Variants in PRPF8 observed in about 807,000 individuals in gnomAD.
The protein encoded by PRPF8 is pre-mRNA processing factor 8.
Under a neutral mutation model 285.9 loss-of-function variants are expected in PRPF8, and 64 were observed. The ratio of observed to expected loss-of-function variants is 0.22; its 90% CI spans 0.18 to 0.28. The LOEUF is 0.28. Among genes scored for constraint, PRPF8 ranks in the 10% least tolerant of loss-of-function variants. The pLI is 1.00. For synonymous variants in PRPF8, 1,325 were observed against 1,118.2 expected (o/e 1.18, Z -3.69); for missense variants, 1,426 against 3,026.7 (o/e 0.47, Z 12.41).
Position 1,673,248 on chromosome 17 carries a change from A to G in PRPF8, c.3658-51T>C. 6.2e-7 allele frequency: 1 copy of G among 1,606,118 alleles called. No homozygotes were observed. Among genetic ancestry groups the G allele is most frequent in the Non-Finnish European group, 8.5e-7 (1 of 1,172,888 alleles). On this transcript the variant is annotated intron_variant, in intron 23 of 42. Transcript: ENST00000304992. The surrounding 1 kb of genome is among the most constrained non-coding windows in gnomAD (Gnocchi z 5.5). ...TGTCCGAGGAACTCCCACAGAAGCA[A>G]GAGCCAACTGTGCCCACCACTCAAG...
Position 1,676,118 on chromosome 17 carries a change from G to C in PRPF8, c.2553-64C>G, listed in dbSNP as rs915619968. On this transcript the variant is annotated intron_variant, in intron 17 of 42. Coordinates refer to ENST00000304992, the MANE Select transcript of PRPF8 (RefSeq NM_006445.4). The surrounding 1 kb of genome is among the most constrained non-coding windows in gnomAD (Gnocchi z 6.3). Reference sequence around the variant, plus strand: ...GAGGAAGTAAAACCAGGAAAGACTGGGGCTACACCTTCTTTCTTTGGACTC... The same window carrying C: ...GAGGAAGTAAAACCAGGAAAGACTGCGGCTACACCTTCTTTCTTTGGACTC... 9 of 1,611,634 alleles carry C rather than the reference G, an allele frequency of 5.6e-6. No individual in the cohort carries two copies. The Admixed American group carries it at 8.3e-5, about 15-fold the overall frequency.
At chr17:1,662,490 G>C (rs761661988) in intron 24 of PRPF8, among the ~76,000 whole-genome samples, 3 of 152,058 alleles carry the variant, frequency 2.0e-5, no homozygotes, top group Non-Finnish European at 2.9e-5. Context: ...TCAGAAGGCT[G>C]AGGCAAGAGA....
Position 1,650,960 on chromosome 17 carries a change from C to A in PRPF8, c.6854-4G>T. 8 of 1,614,148 alleles carry A rather than the reference C, an allele frequency of 5.0e-6. No homozygotes were observed. The highest frequency in any genetic ancestry group is 6.8e-6 in the Non-Finnish European group (8 of 1,180,038). ...ATGTTGGGGTCATGCCGAACACCTT[C>A]GGGGAGAAGGAAACAGCCAATGTTA... On this transcript the variant is annotated splice_region_variant and splice_polypyrimidine_tract_variant and intron_variant, in intron 42 of 42. Transcript: ENST00000304992.
intron 24 of PRPF8, among the ~76,000 whole-genome samples, chr17:1,662,904 C>T (rs1481465825): frequency 4.7e-5 from 7 of 149,132 alleles, no homozygotes; most frequent in Admixed American, 6.6e-5. Flanking sequence ...GTGAAGAACA[C>T]CAGAAATGGT....
At chr17:1,660,063 T>C in intron 30 of PRPF8, 62 bp from the exon 31 acceptor site, 2 of 1,558,480 alleles carry the variant, frequency 1.3e-6, no homozygotes, top group Non-Finnish European at 1.8e-6. Context: ...TCAGAGTTTG[T>C]ACAATAAGAT....
Position 1,679,613 on chromosome 17 carries a change from T to C in PRPF8, c.1285A>G (p.Asn429Asp), listed in dbSNP as rs754075462. 1 of 1,613,438 alleles carries C rather than the reference T, an allele frequency of 6.2e-7. No homozygotes were observed. Among genetic ancestry groups the C allele is most frequent in the South Asian group, 1.1e-5 (1 of 91,040 alleles). Residue 429 changes from asparagine to aspartate, a missense_variant, in exon 9 of 43, where the codon AAC becomes GAC. Coordinates refer to ENST00000304992, the MANE Select transcript of PRPF8 (RefSeq NM_006445.4). This position sits in a 1 kb window ranked among gnomAD's most constrained non-coding sequence, Gnocchi z 4.7. ...RRALDIPLVK[N>D]WYREHCPAGQ... is the part of the protein sequence containing the mutation. ...TGCCACAGGGAAAAACCTTACCAGT[T>C]CTTGACAAGGGGTATGTCCAGGGCC...
At position 1,651,595 on chromosome 17, in the gene PRPF8, A is replaced by G; in HGVS notation, c.6511-42T>C. On this transcript the variant is annotated intron_variant, in intron 40 of 42. Transcript: ENST00000304992. The surrounding 1 kb of genome is among the most constrained non-coding windows in gnomAD (Gnocchi z 5.1). Reference sequence around the variant, plus strand: ...GTACAGAGCTGAATCCCATCCACAGACAGGAATCGCACCAGCTTTTCCACA... The same window carrying G: ...GTACAGAGCTGAATCCCATCCACAGGCAGGAATCGCACCAGCTTTTCCACA... The G allele has an allele frequency of 6.2e-7, 1 of 1,614,070 alleles. No homozygotes were observed. The highest frequency in any genetic ancestry group is 1.1e-5 in the South Asian group (1 of 91,082).
Position 1,651,497 on chromosome 17 carries a change from T to A in PRPF8, c.6567A>T (p.Ser2189=). Residue 2189 remains serine (S), a synonymous_variant, in exon 41 of 43, where the codon TCA becomes TCT. Transcript: ENST00000304992. This position sits in a 1 kb window ranked among gnomAD's most constrained non-coding sequence, Gnocchi z 5.1. ...HTQPNESPQL[S]PQDVTTHAKI... ...TGGCATGGGTGGTGACATCCTGGGG[T>A]GATAACTGCGGGGACTCATTGGGCT... The A allele has an allele frequency of 6.2e-7, 1 of 1,614,060 alleles. No individual in the cohort carries two copies. Among genetic ancestry groups the A allele is most frequent in the Non-Finnish European group, 8.5e-7 (1 of 1,180,012 alleles).
In PRPF8 at chr17:1,651,011, G is replaced by A; in HGVS notation, c.6854-55C>T. On this transcript the variant is annotated intron_variant, in intron 42 of 42. Transcript: ENST00000304992. This position sits in a 1 kb window ranked among gnomAD's most constrained non-coding sequence, Gnocchi z 5.1. ...ACAGGGCTCCTGCCTCATGCAGCCTGCGCCACCTCCAAGCCAGCCAGGCCC... is the reference window on the plus strand; with the variant it reads ...ACAGGGCTCCTGCCTCATGCAGCCTACGCCACCTCCAAGCCAGCCAGGCCC... 6.2e-7 allele frequency: 1 copy of A among 1,614,092 alleles called. No individual in the cohort carries two copies. Among genetic ancestry groups the A allele is most frequent in the East Asian group, 2.2e-5 (1 of 44,886 alleles).
In PRPF8 at chr17:1,681,251, T is replaced by C. The variant is rs950234659; in HGVS notation, c.867-197A>G. 8.5e-5 allele frequency among the ~76,000 whole-genome samples: 13 copies of C among 152,244 alleles called. No individual in the cohort carries two copies. The East Asian group carries it at 2.5e-3, about 29-fold the overall frequency. On this transcript the variant is annotated intron_variant, in intron 6 of 42. Coordinates refer to ENST00000304992, the MANE Select transcript of PRPF8 (RefSeq NM_006445.4). ...AGCTGTGAGTGTCACCACGCCCAGC[T>C]ACATTTTTTGGTAAAGATAGGGTTT...
intron 24 of PRPF8, among the ~76,000 whole-genome samples, chr17:1,666,822 A>G (rs911150941): frequency 6.6e-5 from 10 of 152,252 alleles, no homozygotes; most frequent in African/African-American, 1.9e-4. Context: ...AAACCCTACT[A>G]TGAAAGCTAG....
At position 1,650,810 on chromosome 17, in the gene PRPF8, A is replaced by G. The variant is rs1193604660; in HGVS notation, c.7000T>C (p.Tyr2334His). The G allele has an allele frequency of 6.2e-7, 1 of 1,614,014 alleles. No individual in the cohort carries two copies. The highest frequency in any genetic ancestry group is 8.5e-7 in the Non-Finnish European group (1 of 1,179,984). The change falls in exon 43 of 43, where the codon TAT becomes CAT. Residue 2334 changes from tyrosine (Y) to histidine (H), a missense_variant. Physicochemically the swap from Tyr to His is moderately conservative, Grantham distance 83 (BLOSUM62 2). Coordinates refer to ENST00000304992, the MANE Select transcript of PRPF8 (RefSeq NM_006445.4). Reference protein sequence around the residue: ...EVYSADREDLYA With the variant: ...EVYSADREDLHA ...AGGAGGCAGGGAAACGGTCAGGCAT[A>G]CAGGTCCTCCCGATCCGCAGAGTAA...
At chr17:1,681,370 G>T in intron 6 of PRPF8, 108 bp downstream of exon 6, 1 of 1,249,866 alleles carries the variant, frequency 8.0e-7, no homozygotes, top group Non-Finnish European at 1.2e-6. Flanking sequence ...GTGAGCCACT[G>T]CACCTGGTGT....
At chr17:1,678,389 A>T in intron 13 of PRPF8, 129 bp downstream of exon 13, 2 of 1,202,490 alleles carry the variant, frequency 1.7e-6, no homozygotes, top group Non-Finnish European at 2.4e-6. Flanking sequence ...AGGCTGAGGC[A>T]GGAGAATTGC....
At chr17:1,657,412 A>G (rs968543516) in intron 34 of PRPF8, among the ~76,000 whole-genome samples, 21 of 152,104 alleles carry the variant, frequency 1.4e-4, no homozygotes, top group African/African-American at 4.6e-4. Flanking sequence ...TTGAGAGGCC[A>G]AGGCGGGCGG....
At position 1,678,897 on chromosome 17, in the gene PRPF8, A is replaced by C; in HGVS notation, c.1600-16T>G. The C allele has an allele frequency of 1.2e-6, 2 of 1,614,140 alleles. No homozygotes were observed. Among genetic ancestry groups the C allele is most frequent in the Admixed American group, 1.7e-5 (1 of 60,026 alleles). ...TCTTTCTTTCCTGGAGAAGATGCAA[A>C]AAACAGACAGAACGTGAATGAGCAA... On this transcript the variant is annotated splice_polypyrimidine_tract_variant and intron_variant, in intron 11 of 42. Transcript: ENST00000304992.
chr17:1,656,833 A>G (rs1239934161), intron 34 of PRPF8, 72 bp from the exon 35 acceptor site: 3 of 1,311,244 alleles, frequency 2.3e-6, no homozygotes, highest in South Asian at 2.5e-5. Flanking sequence ...AGAATATCCT[A>G]GTTTTGAAAT....
rs1912577702 is a variant in PRPF8 at position 1,675,842 on chromosome 17, A to G, written c.2680-30T>C. On this transcript the variant is annotated intron_variant, in intron 18 of 42. Transcript: ENST00000304992. This position sits in a 1 kb window ranked among gnomAD's most constrained non-coding sequence, Gnocchi z 6.0. ...GGGACAAGGAGGCTGGTTCACACCA[A>G]TCCACCAACTGCTACCTTTGGTAGA... The G allele has an allele frequency of 6.2e-7, 1 of 1,614,124 alleles. No homozygotes were observed. Among genetic ancestry groups the G allele is most frequent in the Non-Finnish European group, 8.5e-7 (1 of 1,179,986 alleles).
chr17:1,683,377 G>A, intron 3 of PRPF8, 156 bp downstream of exon 3: 3 of 817,736 alleles, frequency 3.7e-6, no homozygotes. Flanking sequence ...GACTGCAAAA[G>A]TGGAAGATGT....
Sources: allele counts gnomAD v4.1 joint callset (sites outside exome capture counted in the v4.1 genomes callset), GRCh38; gene constraint gnomAD v4.1.1; non-coding constraint Gnocchi (gnomAD v3.1); transcripts MANE v1.5; gene names NCBI Gene and HGNC (gene_info 2026-07-23, HGNC 2026-07-21).